The following SPATA6L variants were observed in gnomAD, a reference collection of about 807,000 sequenced individuals.
SPATA6L encodes spermatogenesis associated 6-like protein.
A neutral mutation model predicts 49.2 loss-of-function variants in SPATA6L; 68 were observed. That is an observed-to-expected ratio of 1.38 (90% CI 1.14 to 1.69). The LOEUF is 1.69. Among genes scored for constraint, SPATA6L ranks in the 40% most tolerant of loss-of-function variants. SPATA6L has a pLI of 0.00. For missense variants in SPATA6L, 668 were observed against 464.3 expected (o/e 1.44, Z -4.03); for synonymous variants, 198 against 165.7 (o/e 1.19, Z -1.50).
At chr9:4,645,358 A>G (rs1835136165) in intron 3 of SPATA6L, among the ~76,000 whole-genome samples, 1 of 152,172 alleles carries the variant, frequency 6.6e-6, no homozygotes, top group African/African-American at 2.4e-5. Flanking sequence ...AAACTGGGTA[A>G]TTTATTTTTA....
intron 9 of SPATA6L, among the ~76,000 whole-genome samples, chr9:4,609,086 A>G (rs564323628): frequency 6.6e-6 from 1 of 151,054 alleles, no homozygotes; most frequent in Non-Finnish European, 1.5e-5. Context: ...CTCTCCCAAG[A>G]CTAAACCAGG....
Position 4,662,471 on chromosome 9 carries a change from T to TGGCGGCGGC in SPATA6L, c.40-444_40-436dup. 1 of 1,549,368 alleles carries TGGCGGCGGC rather than the reference T, an allele frequency of 6.5e-7. No homozygotes were observed. Among genetic ancestry groups the TGGCGGCGGC allele is most frequent in the Non-Finnish European group, 8.6e-7 (1 of 1,157,038 alleles). ...CCGGCAGCCCAGCCCATGGCGGCGG[T>TGGCGGCGGC]GGCGGCGGCAGCAGGTTTGAGTTCC... On this transcript the variant is annotated intron_variant, in intron 1 of 11. Coordinates refer to ENST00000682582, the MANE Select transcript of SPATA6L (RefSeq NM_001353486.2). The surrounding 1 kb of genome is among the most constrained non-coding windows in gnomAD (Gnocchi z 4.9).
intron 3 of SPATA6L, among the ~76,000 whole-genome samples, chr9:4,644,652 T>C (rs1028111117): frequency 4.7e-5 from 7 of 150,116 alleles, no homozygotes; most frequent in Non-Finnish European, 8.8e-5. Context: ...TTCTGAGTTT[T>C]CAGTATTCTC....
chr9:4,632,612 T>A (rs1039506516), intron 4 of SPATA6L, among the ~76,000 whole-genome samples: 7 of 145,474 alleles, frequency 4.8e-5, no homozygotes, highest in East Asian at 2.1e-4. Flanking sequence ...AAAAAAAAAA[T>A]TAAGTGTGTT....
Position 4,662,934 on chromosome 9 carries a change from G to T in SPATA6L, c.40-898C>A. ...GCTGGTGGCCTTGATCAAAGGGCTG[G>T]TCCGCAGGCGCCGCCCGGCCCACAA... On this transcript the variant is annotated intron_variant, in intron 1 of 11. Transcript: ENST00000682582. The surrounding 1 kb of genome is among the most constrained non-coding windows in gnomAD (Gnocchi z 4.9). 6.2e-7 allele frequency: 1 copy of T among 1,611,184 alleles called. No individual in the cohort carries two copies.
At chr9:4,612,162 A>G (rs1414444177) in intron 9 of SPATA6L, among the ~76,000 whole-genome samples, 1 of 152,024 alleles carries the variant, frequency 6.6e-6, no homozygotes, top group Non-Finnish European at 1.5e-5. Context: ...TTTTGTAGAG[A>G]CAGGGTCTCC....
intron 10 of SPATA6L, among the ~76,000 whole-genome samples, chr9:4,605,071 T>C (rs1259226305): frequency 1.3e-5 from 2 of 152,138 alleles, no homozygotes; most frequent in East Asian, 3.9e-4. Flanking sequence ...AAAGGACCTC[T>C]GCTTGATGAG....
chr9:4,613,612 C>A (rs1366328733), intron 9 of SPATA6L, among the ~76,000 whole-genome samples: 1 of 151,852 alleles, frequency 6.6e-6, no homozygotes, highest in Non-Finnish European at 1.5e-5. Context: ...GACCCAGAGT[C>A]TCATTCTGTT....
intron 4 of SPATA6L, among the ~76,000 whole-genome samples, chr9:4,631,965 C>T (rs1199140797): frequency 6.6e-6 from 1 of 150,896 alleles, no homozygotes; most frequent in African/African-American, 2.4e-5. Context: ...GAGGACTGAA[C>T]AGGATAATCC....
intron 6 of SPATA6L, 117 bp downstream of exon 6, chr9:4,625,210 G>T (rs1830109113): frequency 7.0e-7 from 1 of 1,431,630 alleles, no homozygotes; most frequent in Admixed American, 2.5e-5. Flanking sequence ...TATTCAATTT[G>T]AAGTACCTTT....
At chr9:4,660,232 A>G (rs1446826237) in intron 2 of SPATA6L, among the ~76,000 whole-genome samples, 1 of 152,258 alleles carries the variant, frequency 6.6e-6, no homozygotes, top group African/African-American at 2.4e-5. Flanking sequence ...CTACCATTAG[A>G]GTGAACAGGC....
At chr9:4,593,209 A>G (rs1238591640) in intron 13 of SPATA6L, among the ~76,000 whole-genome samples, 1 of 152,240 alleles carries the variant, frequency 6.6e-6, no homozygotes, top group Non-Finnish European at 1.5e-5. Flanking sequence ...AATGCATGAC[A>G]GTATCCAATC....
chr9:4,622,602 C>T, intron 6 of SPATA6L, 92 bp from the exon 7 acceptor site: 1 of 857,872 alleles, frequency 1.2e-6, no homozygotes, highest in East Asian at 2.5e-5. Context: ...CCCTCAATCA[C>T]TGATTACACG....
intron 4 of SPATA6L, among the ~76,000 whole-genome samples, chr9:4,634,955 C>T (rs920527564): frequency 1.3e-5 from 2 of 152,172 alleles, no homozygotes; most frequent in South Asian, 2.1e-4. Context: ...TAACTACTGT[C>T]GCTACTCTAT....
chr9:4,602,337 A>G (rs553996224), intron 11 of SPATA6L, among the ~76,000 whole-genome samples: 31 of 152,180 alleles, frequency 2.0e-4, no homozygotes, highest in African/African-American at 7.2e-4. Flanking sequence ...GTAACCAGAG[A>G]GTAAATGGCC....
rs2130546320 is a variant in SPATA6L at position 4,633,324 on chromosome 9, G to C, written c.351+1951C>G. The stretch of plus-strand genomic sequence containing the variant: ...AGAAAGAAAGTGAAAATCTGTTCAG[G>C]GTCACAATGTGGTCACCAATCTGAC... On this transcript the variant is annotated intron_variant, in intron 4 of 11. Coordinates refer to ENST00000682582, the MANE Select transcript of SPATA6L (RefSeq NM_001353486.2). 3 of 153,416 alleles carry C rather than the reference G, an allele frequency of 2.0e-5. 1 individual carries two copies. The South Asian group carries it at 6.2e-4, about 32-fold the overall frequency. 9.5% of individuals were successfully genotyped at this position (153,416 alleles called of 1,614,324 possible). A position where few individuals can be genotyped will look rare whatever the true frequency, so the allele number is the denominator to read the frequency against.
chr9:4,666,365 C>T lies in SPATA6L; in HGVS notation c.-115G>A. ...GAGCAAATGTTCCCAGAAGCTTCCC[C>T]AGTCCCACGCCCTTGTTCCCCTACC... On this transcript the variant is annotated 5_prime_UTR_variant, in exon 1 of 12. Transcript: ENST00000682582. 1 of 1,102,860 alleles carries T rather than the reference C, an allele frequency of 9.1e-7. No homozygotes were observed. The highest frequency in any genetic ancestry group is 1.3e-5 in the South Asian group (1 of 75,678). The allele number at this position is 1,102,860 out of a possible 1,614,324, so 68.3% of individuals were successfully genotyped here.
rs750531628 is a variant in SPATA6L, at chr9:4,661,988, C to G, written c.88G>C (p.Gly30Arg). ...FLPGKQDVYL[G>R]VYLMNQYLET... ...AGGTACTGATTCATGAGGTAGACCC[C>G]GAGGTACACATCTTGTTTGCCAGGC... Residue 30 changes from glycine (G) to arginine (R), a missense_variant, in exon 2 of 12, where the codon GGG (glycine) becomes CGG (arginine). By Grantham distance (125) the Gly-to-Arg change is moderately radical. Coordinates refer to ENST00000682582, the MANE Select transcript of SPATA6L (RefSeq NM_001353486.2). The G allele has an allele frequency of 6.2e-7, 1 of 1,613,966 alleles. No individual in the cohort carries two copies.
intron 9 of SPATA6L, among the ~76,000 whole-genome samples, chr9:4,609,215 G>T (rs2130213765): frequency 6.6e-6 from 1 of 151,484 alleles, no homozygotes; most frequent in African/African-American, 2.4e-5. Context: ...TCTACCAGAG[G>T]TACAAGGAGG....
Sources: allele counts gnomAD v4.1 joint callset (sites outside exome capture counted in the v4.1 genomes callset), GRCh38; gene constraint gnomAD v4.1.1; non-coding constraint Gnocchi (gnomAD v3.1); transcripts MANE v1.5; gene names NCBI Gene and HGNC (gene_info 2026-07-23, HGNC 2026-07-21).